The following KRT34 variants were observed in gnomAD, a reference collection of about 807,000 sequenced individuals.
KRT34 encodes keratin, type I cuticular Ha4.
In KRT34, 31 loss-of-function variants were observed where a neutral mutation model predicts 41.7. The ratio of observed to expected loss-of-function variants is 0.74; its 90% CI spans 0.56 to 1.00. KRT34 has a LOEUF of 1.00. Among genes scored for constraint, KRT34 ranks in the 50% least tolerant of loss-of-function variants. The pLI, the probability that KRT34 is intolerant of heterozygous loss-of-function variation, is 0.00. For synonymous variants in KRT34, 224 were observed against 212.9 expected, an observed-to-expected ratio of 1.05 and a Z score of -0.45; for missense variants, 523 against 500.3, an observed-to-expected ratio of 1.05 and a Z score of -0.43.
At chr17:41,379,767 A>G (rs1307363329) in intron 3 of KRT34, 36 bp from the exon 4 acceptor site, 3 of 1,559,406 alleles carry the variant, frequency 1.9e-6, no homozygotes, top group South Asian at 1.2e-5. Flanking sequence ...ACCTACGGCA[A>G]TGGATCTGCC....
At chr17:41,382,476 T>TGTCACACCAGGCTCTTCCTGGGTGCTA, upstream of KRT34, 1 of 963,038 alleles carries the variant, frequency 1.0e-6, no homozygotes. Flanking sequence ...ATTCAGCTTA[T>TGTCACACCAGGCTCTTCCTGGGTGCTA]GTCACACCAG....
chr17:41,383,280 G>A (rs953419062), upstream of KRT34, among the ~76,000 whole-genome samples: 2 of 152,174 alleles, frequency 1.3e-5, no homozygotes, highest in Non-Finnish European at 2.9e-5. Flanking sequence ...GCCTCCCAAA[G>A]TGCTGGGATT....
In KRT34 at chr17:41,382,176, G is replaced by C. The variant is rs142563346; in HGVS notation, c.71C>G (p.Pro24Arg). Reference sequence around the variant, plus strand: ...AGGCAGGGTGTAGCCGTGGCAGCTGGGGGGCACGCAGGGCCGGGAGGAGCA... The same window carrying C: ...AGGCAGGGTGTAGCCGTGGCAGCTGCGGGGCACGCAGGGCCGGGAGGAGCA... ...TSCSSRPCVP[P>R]SCHGYTLPGA... is the part of the protein sequence containing the mutation. Residue 24 changes from proline (P) to arginine (R), a missense_variant, in exon 1 of 7, where the codon CCC (proline) becomes CGC (arginine). Physicochemically the swap from Pro to Arg is moderately radical, Grantham distance 103 (BLOSUM62 -2). Coordinates refer to ENST00000394001, the MANE Select transcript of KRT34 (RefSeq NM_001386014.1). 3 of 1,612,390 alleles carry C rather than the reference G, an allele frequency of 1.9e-6. No homozygotes were observed. The East Asian group carries it at 6.7e-5, about 36-fold the overall frequency.
At chr17:41,379,198 A>G (rs1294712387) in intron 5 of KRT34, 22 bp from the exon 6 acceptor site, 1 of 1,613,904 alleles carries the variant, frequency 6.2e-7, no homozygotes, top group Admixed American at 1.7e-5. Flanking sequence ...AAGATCAGGA[A>G]TGTCAGAGAG....
chr17:41,383,260 G>A (rs111990995), upstream of KRT34, among the ~76,000 whole-genome samples: 5 of 152,092 alleles, frequency 3.3e-5, no homozygotes, highest in South Asian at 2.1e-4. Context: ...CTCGTGATCC[G>A]CCCGCCTCGG....
rs773175066 is a variant in KRT34 at position 41,381,198 on chromosome 17, T to G, written c.446A>C (p.Gln149Pro). ...CGACTCCACCAACAGCCTCAGGGAC[T>G]GCTCCGTCTGGTACCTGCACGTGTC... ...DDFRSKYQTE[Q>P]SLRLLVESDI... The change falls in exon 3 of 7, where the codon CAG (glutamine) becomes CCG (proline). Residue 149 changes from glutamine (Q) to proline (P), a missense_variant. Physicochemically the swap from Gln to Pro is moderately conservative, Grantham distance 76. Coordinates refer to ENST00000394001, the MANE Select transcript of KRT34 (RefSeq NM_001386014.1). 2.4e-5 allele frequency: 38 copies of G among 1,614,008 alleles called. No homozygotes were observed. The Admixed American group carries it at 6.3e-4, about 27-fold the overall frequency.
Position 41,381,162 on chromosome 17 carries a change from C to A in KRT34, c.482G>T (p.Ser161Ile). 6.2e-7 allele frequency: 1 copy of A among 1,614,160 alleles called. No homozygotes were observed. Among genetic ancestry groups the A allele is most frequent in the Non-Finnish European group, 8.5e-7 (1 of 1,180,014 alleles). The change falls in exon 3 of 7, where the codon AGC becomes ATC. Residue 161 changes from serine (S) to isoleucine (I), a missense_variant. Physicochemically the swap from Ser to Ile is moderately radical, Grantham distance 142. Transcript: ENST00000394001. The part of the protein sequence containing the change: ...LRLLVESDIN[S>I]IRRILDELTL... ...CAGCTCATCCAGGATCCTGCGTATG[C>A]TGTTGATGTCCGACTCCACCAACAG...
At chr17:41,379,871 T>C (rs1261826801) in intron 3 of KRT34, 140 bp from the exon 4 acceptor site, 3 of 918,684 alleles carry the variant, frequency 3.3e-6, no homozygotes, top group Non-Finnish European at 4.8e-6. Context: ...ACACATTTTA[T>C]AGCAATAAAC....
At chr17:41,380,273 AAAAGGAAGATTCTGAT>A (rs1233779998) in intron 3 of KRT34, among the ~76,000 whole-genome samples, 3 of 151,238 alleles carry the variant, frequency 2.0e-5, no homozygotes, top group African/African-American at 7.3e-5. Flanking sequence ...AAAAAGCACT[AAAAGGAAGATTCTGAT>A]CATTCCCAAA....
rs1298487691 is a variant in KRT34 at position 41,379,193 on chromosome 17, C to T, written c.877-17G>A. On this transcript the variant is annotated splice_polypyrimidine_tract_variant and intron_variant, in intron 5 of 6. Coordinates refer to ENST00000394001, the MANE Select transcript of KRT34 (RefSeq NM_001386014.1). Reference sequence around the variant, plus strand: ...AGAGTCTCGCTGTGGTGGGGAAGATCAGGAATGTCAGAGAGCTGCTCCTTC... The same window carrying T: ...AGAGTCTCGCTGTGGTGGGGAAGATTAGGAATGTCAGAGAGCTGCTCCTTC... 6.8e-6 allele frequency: 11 copies of T among 1,613,892 alleles called. No individual in the cohort carries two copies. Among genetic ancestry groups the T allele is most frequent in the Admixed American group, 1.7e-5 (1 of 60,010 alleles).
chr17:41,383,166 C>T (rs369462255), upstream of KRT34, among the ~76,000 whole-genome samples: 6 of 152,104 alleles, frequency 3.9e-5, no homozygotes, highest in South Asian at 6.2e-4. Flanking sequence ...TTACAGGTGC[C>T]CGCCACCACA....
chr17:41,379,255 G>A (rs1297902008), intron 5 of KRT34, 79 bp from the exon 6 acceptor site: 1 of 1,607,928 alleles, frequency 6.2e-7, no homozygotes, highest in African/African-American at 1.3e-5. Context: ...GAAGTCACAA[G>A]CTCCAAGAGC....
Position 41,379,746 on chromosome 17 carries a change from G to A in KRT34, c.589-15C>T. 3 of 1,586,872 alleles carry A rather than the reference G, an allele frequency of 1.9e-6. No individual in the cohort carries two copies. The highest frequency in any genetic ancestry group is 2.6e-6 in the Non-Finnish European group (3 of 1,167,620). On this transcript the variant is annotated splice_polypyrimidine_tract_variant and intron_variant, in intron 3 of 6. Coordinates refer to ENST00000394001, the MANE Select transcript of KRT34 (RefSeq NM_001386014.1). ...GTGTTAACCTCCTGTTGGAGAAAAG[G>A]GAAACAATGAACCTACGGCAATGGA...
At position 41,381,437 on chromosome 17, in the gene KRT34, T is replaced by C. The variant is rs532276283; in HGVS notation, c.432-225A>G. ...ACACATGAGATGAAGTCTCTCACTGTGTTCTCGGTTTTGTTAGCTAATATA... is the reference window on the plus strand; with the variant it reads ...ACACATGAGATGAAGTCTCTCACTGCGTTCTCGGTTTTGTTAGCTAATATA... On this transcript the variant is annotated intron_variant, in intron 2 of 6. Coordinates refer to ENST00000394001, the MANE Select transcript of KRT34 (RefSeq NM_001386014.1). 1.4e-3 allele frequency among the ~76,000 whole-genome samples: 207 copies of C among 152,348 alleles called. 2 individuals are homozygous for C. The highest frequency in any genetic ancestry group is 1.9e-4 in the Non-Finnish European group (13 of 68,030).
Position 41,379,102 on chromosome 17 carries a change from C to G in KRT34, c.951G>C (p.Leu317=), listed in dbSNP as rs144311709. 225 of 1,614,096 alleles carry G rather than the reference C, an allele frequency of 1.4e-4. No homozygotes were observed. Among genetic ancestry groups the G allele is most frequent in the Non-Finnish European group, 1.8e-4 (217 of 1,180,044 alleles). The part of the protein sequence containing the change: ...YSSQLSQVQS[L]ITNVESQLAE... ...CCAGCTGAGACTCCACGTTGGTGAT[C>G]AGGCTCTGCACCTGGGACAGCTGGG... Residue 317 remains leucine (L), a synonymous_variant, in exon 6 of 7, where the codon CTG becomes CTC. Transcript: ENST00000394001.
chr17:41,380,991 C>G (rs2144330066), intron 3 of KRT34, 65 bp downstream of exon 3: 1 of 1,482,002 alleles, frequency 6.7e-7, no homozygotes, highest in East Asian at 2.3e-5. Flanking sequence ...AGACAGTAAT[C>G]CTCTCCTGAT....
Position 41,377,967 on chromosome 17 carries a change from CA to C in KRT34, c.*91del, listed in dbSNP as rs1205313258. On this transcript the variant is annotated 3_prime_UTR_variant, in exon 7 of 7. Coordinates refer to ENST00000394001, the MANE Select transcript of KRT34 (RefSeq NM_001386014.1). Reference sequence around the variant, plus strand: ...GAGGCAAGATGAGGTTTCTTGATGTCAGCTGAGCTCCAGAAAAGTCAGGACT... The same window carrying C: ...GAGGCAAGATGAGGTTTCTTGATGTCGCTGAGCTCCAGAAAAGTCAGGACT... 3.3e-6 allele frequency: 3 copies of C among 895,740 alleles called. No homozygotes were observed. The highest frequency in any genetic ancestry group is 5.5e-6 in the Non-Finnish European group (3 of 546,068). 55.5% of individuals were successfully genotyped at this position (895,740 alleles called of 1,614,324 possible). A position where few individuals can be genotyped will look rare whatever the true frequency, so the allele number is the denominator to read the frequency against.
At chr17:41,380,644 C>A (rs1185920461) in intron 3 of KRT34, among the ~76,000 whole-genome samples, 1 of 152,202 alleles carries the variant, frequency 6.6e-6, no homozygotes, top group African/African-American at 2.4e-5. Flanking sequence ...ACTGCTTGTA[C>A]ATCTCATATG....
rs1478706017 is a variant in KRT34, at chr17:41,378,163, G to A, written c.1098-17C>T. ...CAGGGGAGCCTAGGAGGACAAGGAG[G>A]TTTAGAATGGCTTTAGGAGGAGGTT... On this transcript the variant is annotated splice_polypyrimidine_tract_variant and intron_variant, in intron 6 of 6. Coordinates refer to ENST00000394001, the MANE Select transcript of KRT34 (RefSeq NM_001386014.1). 9.5e-6 allele frequency: 15 copies of A among 1,579,332 alleles called. No homozygotes were observed. The South Asian group carries it at 1.3e-4, about 14-fold the overall frequency.
Sources: allele counts gnomAD v4.1 joint callset (sites outside exome capture counted in the v4.1 genomes callset), GRCh38; gene constraint gnomAD v4.1.1; transcripts MANE v1.5; gene names NCBI Gene and HGNC (gene_info 2026-07-23, HGNC 2026-07-21).